PLCXD3: variants seen among roughly 807,000 people sequenced by gnomAD.
PLCXD3 encodes PI-PLC X domain-containing protein 3.
PLCXD3 carries 19 observed loss-of-function variants against 25.5 expected under a neutral mutation model. That is an observed-to-expected ratio of 0.75 (90% CI 0.52 to 1.09). PLCXD3 has a LOEUF of 1.09. PLCXD3 is among the 50% of genes least tolerant of loss of function. PLCXD3 has a pLI of 0.00. For missense variants in PLCXD3, 411 were observed against 388.1 expected, an observed-to-expected ratio of 1.06 and a Z score of -0.50; for synonymous variants, 174 against 137.6, an observed-to-expected ratio of 1.26 and a Z score of -1.85.
chr5:41,389,178 G>C (rs1389614393), intron 1 of PLCXD3, among the ~76,000 whole-genome samples: 1 of 151,966 alleles, frequency 6.6e-6, no homozygotes, highest in Non-Finnish European at 1.5e-5. Context: ...AAAGCCTATT[G>C]ATGTGCTGGT....
At chr5:41,362,141 G>A (rs1267504718) in intron 2 of PLCXD3, among the ~76,000 whole-genome samples, 2 of 152,166 alleles carry the variant, frequency 1.3e-5, no homozygotes, top group Non-Finnish European at 2.9e-5. Context: ...CATCTGACAG[G>A]ACTTTTGTTT....
intron 1 of PLCXD3, among the ~76,000 whole-genome samples, chr5:41,497,277 G>T (rs1748863177): frequency 6.6e-6 from 1 of 151,842 alleles, no homozygotes; most frequent in South Asian, 2.1e-4. Flanking sequence ...AGACATATGT[G>T]CTGTCTACAA....
At chr5:41,376,860 G>A (rs1414728863) in intron 2 of PLCXD3, among the ~76,000 whole-genome samples, 1 of 152,100 alleles carries the variant, frequency 6.6e-6, no homozygotes, top group Non-Finnish European at 1.5e-5. Context: ...ACTCATAGGA[G>A]CTGTTTAACA....
intron 1 of PLCXD3, among the ~76,000 whole-genome samples, chr5:41,429,543 T>C (rs936429942): frequency 3.3e-5 from 5 of 152,218 alleles, no homozygotes; most frequent in South Asian, 2.1e-4. Context: ...TTGTGTCTTA[T>C]AGGACTGGGA....
chr5:41,393,698 T>A (rs1263421432), intron 1 of PLCXD3, among the ~76,000 whole-genome samples: 1 of 151,904 alleles, frequency 6.6e-6, no homozygotes, highest in Non-Finnish European at 1.5e-5. Context: ...GGTGGGTGGA[T>A]CACAAGGTCA....
intron 1 of PLCXD3, among the ~76,000 whole-genome samples, chr5:41,452,046 C>G (rs1403835635): frequency 2.6e-5 from 4 of 151,980 alleles, no homozygotes; most frequent in African/African-American, 9.7e-5. Context: ...GAAATAAAAT[C>G]AAGGACCCCA....
intron 1 of PLCXD3, among the ~76,000 whole-genome samples, chr5:41,434,197 G>A (rs763023086): frequency 6.6e-6 from 1 of 152,128 alleles, no homozygotes; most frequent in Admixed American, 6.5e-5. Flanking sequence ...TGGCTGCTAC[G>A]CAAGTTGCTG....
intron 1 of PLCXD3, among the ~76,000 whole-genome samples, chr5:41,388,035 C>T (rs1745693252): frequency 1.3e-5 from 2 of 151,918 alleles, no homozygotes; most frequent in Admixed American, 1.3e-4. Flanking sequence ...ATAAATGGCT[C>T]TTGGGAGCCA....
At chr5:41,460,985 A>AATAT (rs146185429) in intron 1 of PLCXD3, among the ~76,000 whole-genome samples, 2,589 of 152,074 alleles carry the variant, frequency 0.017, 75 homozygotes, top group African/African-American at 0.059. Context: ...ATACATTCAG[A>AATAT]ATATTCTCAG....
intron 1 of PLCXD3, among the ~76,000 whole-genome samples, chr5:41,388,575 GT>G (rs1243638075): frequency 6.6e-6 from 1 of 151,996 alleles, no homozygotes; most frequent in Non-Finnish European, 1.5e-5. Context: ...GACTTGCAGA[GT>G]TTAATTATCC....
chr5:41,468,009 CTTTTTTTTTTTT>C (rs145732089), intron 1 of PLCXD3, among the ~76,000 whole-genome samples: 4 of 52,404 alleles, frequency 7.6e-5, no homozygotes, highest in South Asian at 1.3e-3. Context: ...CAGCTTTATT[CTTTTTTTTTTTT>C]TTTTTTTTTT....
chr5:41,509,199 C>A (rs934208531), intron 1 of PLCXD3, among the ~76,000 whole-genome samples: 1 of 152,102 alleles, frequency 6.6e-6, no homozygotes. Context: ...TTTCCTCCAA[C>A]AGCTGAGAGG....
chr5:41,502,177 C>T (rs888155630), intron 1 of PLCXD3, among the ~76,000 whole-genome samples: 1 of 151,988 alleles, frequency 6.6e-6, no homozygotes, highest in Non-Finnish European at 1.5e-5. Context: ...AAAAACTTAG[C>T]TTATGTATGA....
chr5:41,484,659 T>C (rs1007408631), intron 1 of PLCXD3, among the ~76,000 whole-genome samples: 10 of 152,140 alleles, frequency 6.6e-5, no homozygotes, highest in Non-Finnish European at 1.2e-4. Context: ...CTTCAGAAAC[T>C]GCCCAGGTAA....
At chr5:41,344,495 G>T (rs1428662390) in intron 2 of PLCXD3, among the ~76,000 whole-genome samples, 1 of 151,998 alleles carries the variant, frequency 6.6e-6, no homozygotes, top group Non-Finnish European at 1.5e-5. Flanking sequence ...CTTAAGGAAA[G>T]TTATTTTTGT....
At chr5:41,450,264 T>C (rs933040996) in intron 1 of PLCXD3, among the ~76,000 whole-genome samples, 1 of 152,100 alleles carries the variant, frequency 6.6e-6, no homozygotes, top group African/African-American at 2.4e-5. Context: ...CAAGTCTGAA[T>C]TGATAGGAAA....
At chr5:41,427,058 G>C (rs1212859562) in intron 1 of PLCXD3, among the ~76,000 whole-genome samples, 1 of 151,920 alleles carries the variant, frequency 6.6e-6, no homozygotes, top group African/African-American at 2.4e-5. Context: ...TCCCTTTGCT[G>C]ATTTGCAATT....
chr5:41,494,018 G>T, intron 1 of PLCXD3, among the ~76,000 whole-genome samples: 1 of 152,208 alleles, frequency 6.6e-6, no homozygotes, highest in East Asian at 1.9e-4. Context: ...GAAATCACCC[G>T]TGTTCTGCGT....
At chr5:41,399,067 G>C (rs1746099527) in intron 1 of PLCXD3, among the ~76,000 whole-genome samples, 1 of 151,864 alleles carries the variant, frequency 6.6e-6, no homozygotes, top group South Asian at 2.1e-4. Context: ...AGTGAACAAT[G>C]GGAAAAGAAA....
Sources: allele counts gnomAD v4.1 joint callset (sites outside exome capture counted in the v4.1 genomes callset), GRCh38; gene constraint gnomAD v4.1.1; transcripts MANE v1.5; gene names NCBI Gene and HGNC (gene_info 2026-07-23, HGNC 2026-07-21).